FBXO28: variants seen among roughly 807,000 people sequenced by gnomAD.
FBXO28 encodes F-box only protein 28.
In FBXO28, 8 loss-of-function variants were observed where a neutral mutation model predicts 38.1. That is an observed-to-expected ratio of 0.21 (90% CI 0.12 to 0.38). The LOEUF (loss-of-function observed/expected upper bound fraction) is 0.38. Ranked by LOEUF, FBXO28 falls within the 10% of genes least tolerant of loss-of-function variation. The pLI is 1.00. For missense variants in FBXO28, 345 were observed against 460.6 expected (o/e 0.75, Z 2.30); for synonymous variants, 168 against 173.8 (o/e 0.97, Z 0.26).
chr1:224,146,363 AAGAC>A (rs1284420648), intron 3 of FBXO28, among the ~76,000 whole-genome samples: 3 of 152,128 alleles, frequency 2.0e-5, no homozygotes, highest in East Asian at 1.9e-4. Flanking sequence ...GTACAACAAA[AAGAC>A]AGATGAAAAA....
chr1:224,144,864 A>T (rs1192580469), intron 3 of FBXO28, among the ~76,000 whole-genome samples: 1 of 152,146 alleles, frequency 6.6e-6, no homozygotes, highest in African/African-American at 2.4e-5. Flanking sequence ...TCCCTGAAGT[A>T]ACCCACCACC....
At chr1:224,155,460 C>T (rs184867379) in intron 4 of FBXO28, among the ~76,000 whole-genome samples, 10 of 152,268 alleles carry the variant, frequency 6.6e-5, no homozygotes, top group Middle Eastern at 3.4e-3. Context: ...CCACCACACC[C>T]GGCTGCTACT....
chr1:224,133,803 G>C (rs535806167), intron 2 of FBXO28, among the ~76,000 whole-genome samples: 5 of 149,518 alleles, frequency 3.3e-5, no homozygotes, highest in African/African-American at 1.2e-4. Context: ...GAGCCTCCAA[G>C]CCCGGCCCCA....
chr1:224,119,140 T>TTTTC (rs1656715106), intron 1 of FBXO28, among the ~76,000 whole-genome samples: 1 of 137,000 alleles, frequency 7.3e-6, no homozygotes, highest in Non-Finnish European at 1.6e-5. Context: ...TTTTTCTTTT[T>TTTTC]TTTTTTTTTT....
intron 1 of FBXO28, among the ~76,000 whole-genome samples, chr1:224,124,757 G>A (rs192189162): frequency 2.0e-4 from 30 of 152,156 alleles, no homozygotes; most frequent in African/African-American, 7.0e-4. Flanking sequence ...ATGGAGTCTC[G>A]CTCTGTCACC....
At chr1:224,149,893 G>C (rs1466054725) in intron 3 of FBXO28, among the ~76,000 whole-genome samples, 1 of 152,208 alleles carries the variant, frequency 6.6e-6, no homozygotes, top group Non-Finnish European at 1.5e-5. Context: ...AGATACACAG[G>C]GATGGCATTC....
chr1:224,143,843 A>G (rs930235577), intron 3 of FBXO28, among the ~76,000 whole-genome samples: 7 of 150,918 alleles, frequency 4.6e-5, no homozygotes, highest in African/African-American at 1.7e-4. Context: ...CTCAAAAAAA[A>G]AAAAAAGAAA....
intron 3 of FBXO28, among the ~76,000 whole-genome samples, chr1:224,150,973 T>C (rs1331982474): frequency 6.6e-6 from 1 of 152,208 alleles, no homozygotes; most frequent in Non-Finnish European, 1.5e-5. Context: ...ATAATGTTTA[T>C]CTTACAAGTT....
chr1:224,154,069 A>G (rs989773878), intron 4 of FBXO28, among the ~76,000 whole-genome samples: 2 of 152,150 alleles, frequency 1.3e-5, no homozygotes, highest in Non-Finnish European at 2.9e-5. Flanking sequence ...TTAATTTACA[A>G]TGGGGTTACA....
In FBXO28 at chr1:224,134,055, A is replaced by G. The variant is rs776653147; in HGVS notation, c.378-19A>G. On this transcript the variant is annotated intron_variant, in intron 2 of 4. Coordinates refer to ENST00000366862, the MANE Select transcript of FBXO28 (RefSeq NM_015176.4). ...CTGCTTTAATGGTTGCCTTGCTTTTATTATTATTATTATTATAGGAGAGAG... is the reference window on the plus strand; with the variant it reads ...CTGCTTTAATGGTTGCCTTGCTTTTGTTATTATTATTATTATAGGAGAGAG... 4 of 1,234,356 alleles carry G rather than the reference A, an allele frequency of 3.2e-6. No homozygotes were observed. The highest frequency in any genetic ancestry group is 6.6e-5 in the Admixed American group (2 of 30,080). The allele number at this position is 1,234,356 out of a possible 1,614,324, so 76.5% of individuals were successfully genotyped here. A position where few individuals can be genotyped will look rare whatever the true frequency, so the allele number is the denominator to read the frequency against.
chr1:224,135,630 A>AAAAAAAAAAG (rs1553290016), intron 3 of FBXO28, among the ~76,000 whole-genome samples: 3 of 115,782 alleles, frequency 2.6e-5, no homozygotes, highest in Non-Finnish European at 3.4e-5. Flanking sequence ...AAAAAAAAAA[A>AAAAAAAAAAG]AAAAAGAAAA....
rs2102641583 is a variant in FBXO28, at chr1:224,161,691, T to A, written c.*3945T>A. The A allele has an allele frequency of 6.6e-6, 1 of 152,332 alleles. No individual in the cohort carries two copies. Among genetic ancestry groups the A allele is most frequent in the African/African-American group, 2.4e-5 (1 of 41,580 alleles). The allele number at this position is 152,332 out of a possible 1,614,324, so 9.4% of individuals were successfully genotyped here. On this transcript the variant is annotated 3_prime_UTR_variant, in exon 5 of 5. Coordinates refer to ENST00000366862, the MANE Select transcript of FBXO28 (RefSeq NM_015176.4). ...TGATAAATATGACAGGCTTAAGTAC[T>A]GCTGTCCTTTTGCATCTTCCTAAGC...
intron 3 of FBXO28, among the ~76,000 whole-genome samples, chr1:224,150,661 A>G (rs747882487): frequency 2.6e-5 from 4 of 152,152 alleles, no homozygotes; most frequent in Non-Finnish European, 4.4e-5. Context: ...CCTTGGGGCC[A>G]CTATCATTAC....
chr1:224,123,368 G>C (rs1656823704), intron 1 of FBXO28, among the ~76,000 whole-genome samples: 1 of 149,540 alleles, frequency 6.7e-6, no homozygotes, highest in Non-Finnish European at 1.5e-5. Flanking sequence ...CTGAGCCCCA[G>C]GGAGGTGGAA....
intron 4 of FBXO28, among the ~76,000 whole-genome samples, chr1:224,154,252 C>G (rs1657715192): frequency 1.3e-5 from 2 of 152,204 alleles, no homozygotes; most frequent in South Asian, 4.1e-4. Flanking sequence ...AATAAAGCAT[C>G]CTTGTGTAAT....
At chr1:224,130,861 T>C (rs1011852737) in intron 2 of FBXO28, 11 of 288,960 alleles carry the variant, frequency 3.8e-5, no homozygotes, top group Non-Finnish European at 7.2e-5. Flanking sequence ...TGATATGATC[T>C]TGTGGATAAG....
intron 1 of FBXO28, among the ~76,000 whole-genome samples, chr1:224,125,416 C>G (rs1352896224): frequency 6.6e-6 from 1 of 152,020 alleles, no homozygotes; most frequent in African/African-American, 2.4e-5. Flanking sequence ...CATTTATAGG[C>G]CTTTTTCTCT....
rs961547382 is a variant in FBXO28 at position 224,121,067 on chromosome 1, G to A, written c.267+6671G>A. ...ACAAGACCATTTTAAGAAAATGAGTGACTAAAGAAAACTCTTAGGAGTTAT... is the reference window on the plus strand; with the variant it reads ...ACAAGACCATTTTAAGAAAATGAGTAACTAAAGAAAACTCTTAGGAGTTAT... On this transcript the variant is annotated intron_variant, in intron 1 of 4. Transcript: ENST00000366862. 7.2e-5 allele frequency among the ~76,000 whole-genome samples: 11 copies of A among 151,890 alleles called. 1 individual carries two copies. The Middle Eastern group carries it at 0.01, about 141-fold the overall frequency.
chr1:224,145,900 C>T (rs934736378), intron 3 of FBXO28, among the ~76,000 whole-genome samples: 5 of 152,066 alleles, frequency 3.3e-5, no homozygotes, highest in Admixed American at 6.6e-5. Context: ...AAACCCATCG[C>T]TACTAAAAAT....
Sources: allele counts gnomAD v4.1 joint callset (sites outside exome capture counted in the v4.1 genomes callset), GRCh38; gene constraint gnomAD v4.1.1; transcripts MANE v1.5; gene names NCBI Gene and HGNC (gene_info 2026-07-23, HGNC 2026-07-21).